Variants in ULK4 observed in about 807,000 individuals in gnomAD.
The protein encoded by ULK4 is unc-51 like kinase 4.
ULK4 carries 133 observed loss-of-function variants against 160.6 expected under a neutral mutation model. The observed-to-expected ratio is 0.83, with a 90% confidence interval of 0.72 to 0.96. ULK4 has a LOEUF of 0.96. ULK4 is among the 40% of genes least tolerant of loss of function. The pLI is 0.00. For synonymous variants in ULK4, 534 were observed against 539.8 expected (o/e 0.99, Z 0.15); for missense variants, 1,580 against 1,499.5 (o/e 1.05, Z -0.89).
intron 32 of ULK4, among the ~76,000 whole-genome samples, chr3:41,506,764 T>TTAAAAAAAAAAAAAAAA (rs1553684746): frequency 2.0e-4 from 4 of 19,924 alleles, no homozygotes; most frequent in Admixed American, 1.0e-3. Flanking sequence ...GAGTGTGATT[T>TTAAAAAAAAAAAAAAAA]AAAATATATA....
intron 35 of ULK4, among the ~76,000 whole-genome samples, chr3:41,316,160 A>C (rs1387505639): frequency 6.6e-6 from 1 of 152,262 alleles, no homozygotes. Context: ...TGATAAATGA[A>C]TAAACAAAAT....
intron 34 of ULK4, 53 bp from the exon 35 acceptor site, chr3:41,398,317 C>A: frequency 6.4e-7 from 1 of 1,573,076 alleles, no homozygotes; most frequent in Non-Finnish European, 8.6e-7. Context: ...GGTATTAGTA[C>A]TCAAAAAAAA....
intron 18 of ULK4, among the ~76,000 whole-genome samples, chr3:41,833,266 C>A (rs2041649572): frequency 1.4e-5 from 2 of 145,920 alleles, no homozygotes; most frequent in African/African-American, 5.2e-5. Context: ...TAGCTGTATT[C>A]TTAAGTTGTT....
intron 34 of ULK4, among the ~76,000 whole-genome samples, chr3:41,436,518 G>A (rs1167112372): frequency 6.6e-6 from 1 of 152,142 alleles, no homozygotes; most frequent in African/African-American, 2.4e-5. Context: ...GGGGCCAGCA[G>A]AGCTCTTCTA....
intron 20 of ULK4, among the ~76,000 whole-genome samples, chr3:41,797,035 A>C (rs922029570): frequency 6.6e-6 from 1 of 152,218 alleles, no homozygotes; most frequent in African/African-American, 2.4e-5. Context: ...ATAGTATCAC[A>C]TTACAACCCA....
At chr3:41,685,333 T>C (rs1290627532) in intron 27 of ULK4, among the ~76,000 whole-genome samples, 1 of 152,020 alleles carries the variant, frequency 6.6e-6, no homozygotes, top group Non-Finnish European at 1.5e-5. Flanking sequence ...TGAGACAGAG[T>C]AGCAATGGGG....
At chr3:41,486,604 A>G (rs1231056779) in intron 32 of ULK4, among the ~76,000 whole-genome samples, 1 of 152,118 alleles carries the variant, frequency 6.6e-6, no homozygotes, top group Non-Finnish European at 1.5e-5. Flanking sequence ...GAAGTAGAGC[A>G]ATTTGTGCTA....
intron 12 of ULK4, among the ~76,000 whole-genome samples, chr3:41,902,115 C>T (rs765180263): frequency 7.9e-5 from 12 of 151,016 alleles, no homozygotes; most frequent in South Asian, 2.1e-4. Context: ...AAAGAAACAA[C>T]GGCTAGCAAA....
At chr3:41,915,905 T>G in intron 8 of ULK4, 72 bp downstream of exon 8, 2 of 1,055,516 alleles carry the variant, frequency 1.9e-6, no homozygotes, top group South Asian at 2.9e-5. Flanking sequence ...TTATTCCCAT[T>G]AAAATACTGC....
At chr3:41,911,917 C>T (rs1698801279) in intron 9 of ULK4, among the ~76,000 whole-genome samples, 1 of 152,098 alleles carries the variant, frequency 6.6e-6, no homozygotes, top group South Asian at 2.1e-4. Flanking sequence ...CTTTGGGAGG[C>T]CGAGGCAGAC....
chr3:41,324,626 G>C (rs1416901114), intron 35 of ULK4, among the ~76,000 whole-genome samples: 3 of 152,166 alleles, frequency 2.0e-5, no homozygotes. Context: ...TCAGAAGGCA[G>C]GTGGAAGTGG....
At chr3:41,624,468 C>G (rs1463375512) in intron 30 of ULK4, among the ~76,000 whole-genome samples, 1 of 152,090 alleles carries the variant, frequency 6.6e-6, no homozygotes, top group Admixed American at 6.5e-5. Context: ...TTAATTCCTT[C>G]TTAAGAACTG....
intron 32 of ULK4, among the ~76,000 whole-genome samples, chr3:41,469,638 G>T (rs556164188): frequency 6.8e-4 from 44 of 65,040 alleles, no homozygotes; most frequent in African/African-American, 2.6e-3. Context: ...CACCTTAAAA[G>T]CCTAAAAAGA....
chr3:41,955,220 G>A (rs1199458228), intron 1 of ULK4, among the ~76,000 whole-genome samples: 1 of 152,228 alleles, frequency 6.6e-6, no homozygotes, highest in Non-Finnish European at 1.5e-5. Flanking sequence ...AACCCGGGAG[G>A]CGGAGGCTGC....
At chr3:41,490,580 T>G (rs139037000) in intron 32 of ULK4, among the ~76,000 whole-genome samples, 202 of 152,340 alleles carry the variant, frequency 1.3e-3, no homozygotes, top group African/African-American at 4.6e-3. Context: ...TATACTGCTT[T>G]TTATCCTTTC....
intron 35 of ULK4, among the ~76,000 whole-genome samples, chr3:41,251,482 T>C (rs370010802): frequency 1.3e-5 from 2 of 152,224 alleles, no homozygotes; most frequent in East Asian, 1.9e-4. Flanking sequence ...GACACTGAAT[T>C]CAAAGCACCA....
chr3:41,911,519 A>T (rs759194393), intron 10 of ULK4, 22 bp downstream of exon 10: 2 of 1,600,964 alleles, frequency 1.2e-6, no homozygotes, highest in South Asian at 2.2e-5. Flanking sequence ...AAGTAGCATG[A>T]ATGTGCTCAA....
intron 21 of ULK4, among the ~76,000 whole-genome samples, chr3:41,758,104 T>G (rs897012938): frequency 2.6e-5 from 4 of 152,044 alleles, no homozygotes; most frequent in Non-Finnish European, 5.9e-5. Flanking sequence ...CCTGAGTGAG[T>G]TTATTTACCC....
chr3:41,487,479 G>C (rs904899911), intron 32 of ULK4, among the ~76,000 whole-genome samples: 2 of 152,108 alleles, frequency 1.3e-5, no homozygotes, highest in Non-Finnish European at 2.9e-5. Context: ...AAAATGTTCT[G>C]ATTCCAATAC....
Sources: gnomAD v4.1 joint callset for allele counts (sites outside exome capture counted in the v4.1 genomes callset) on GRCh38, gnomAD v4.1.1 for gene constraint, MANE v1.5 for transcripts, NCBI Gene and HGNC (gene_info 2026-07-23, HGNC 2026-07-21) for gene names.